LRRN1: variants seen among roughly 807,000 people sequenced by gnomAD.
LRRN1 encodes the protein leucine rich repeat neuronal 1, also known as leucine-rich repeat neuronal protein 1.
Under a neutral mutation model 45.8 loss-of-function variants are expected in LRRN1, and 14 were observed. That is an observed-to-expected ratio of 0.31 (90% confidence interval 0.20 to 0.48). LRRN1 has a LOEUF of 0.48. Ranked by LOEUF, LRRN1 falls within the 20% of genes least tolerant of loss-of-function variation. The probability of loss-of-function intolerance (pLI) is 0.99; values close to 1 mark genes in which losing one functional copy is unlikely to be tolerated. For missense variants in LRRN1, 789 were observed against 874.2 expected (o/e 0.90, Z 1.23); for synonymous variants, 359 against 330.1 (o/e 1.09, Z -0.95).
Position 3,848,014 on chromosome 3 carries a change from C to T in LRRN1, c.*1222C>T, listed in dbSNP as rs1276465922. Among the ~76,000 whole-genome samples, 1 of 152,098 alleles carries T rather than the reference C, an allele frequency of 6.6e-6. No individual in the cohort carries two copies. The highest frequency in any genetic ancestry group is 6.5e-5 in the Admixed American group (1 of 15,274). ...ATATATATGAATATATTGGATATGT[C>T]ATTTCTGTAAGAGTTTTGTTAAAAC... On this transcript the variant is annotated 3_prime_UTR_variant, in exon 2 of 2. Transcript: ENST00000319331.
At chr3:3,817,769 A>G (rs1158104517) in intron 1 of LRRN1, among the ~76,000 whole-genome samples, 1 of 152,208 alleles carries the variant, frequency 6.6e-6, no homozygotes, top group Non-Finnish European at 1.5e-5. Flanking sequence ...TAAAAAATAT[A>G]ACAAAAGACA....
At chr3:3,826,506 G>A (rs1042988775) in intron 1 of LRRN1, among the ~76,000 whole-genome samples, 13 of 152,246 alleles carry the variant, frequency 8.5e-5, no homozygotes, top group African/African-American at 2.6e-4. Context: ...GCCCTGCTTG[G>A]TGATGAATAA....
chr3:3,802,231 C>G (rs1023426048), intron 1 of LRRN1, among the ~76,000 whole-genome samples: 1 of 152,236 alleles, frequency 6.6e-6, no homozygotes, highest in Admixed American at 6.5e-5. Flanking sequence ...CGTGACCACA[C>G]TGCACTGTTC....
At chr3:3,820,684 G>A (rs1693082884) in intron 1 of LRRN1, among the ~76,000 whole-genome samples, 1 of 152,172 alleles carries the variant, frequency 6.6e-6, no homozygotes, top group Admixed American at 6.5e-5. Flanking sequence ...GTTCTCGCAG[G>A]TATAGCGAGA....
rs1290477280 is a variant in LRRN1, at chr3:3,807,814, T to G, written c.-279+7895T>G. ...TAGCAATGACTGGCTTTCTCCAGGT[T>G]GTTATTCCAGCTGACTGTGGTTCTG... On this transcript the variant is annotated intron_variant, in intron 1 of 1. Transcript: ENST00000319331. Among the ~76,000 whole-genome samples, 26 of 152,252 alleles carry G rather than the reference T, an allele frequency of 1.7e-4. 1 individual carries two copies. Among genetic ancestry groups the G allele is most frequent in the Admixed American group, 1.6e-3 (24 of 15,280 alleles).
chr3:3,845,067 C>T lies in LRRN1; in HGVS notation c.426C>T (p.Leu142=). The T allele has an allele frequency of 6.2e-7, 1 of 1,614,098 alleles. No homozygotes were observed. Among genetic ancestry groups the T allele is most frequent in the Non-Finnish European group, 8.5e-7 (1 of 1,180,012 alleles). The change falls in exon 2 of 2, where the codon CTC becomes CTT. Residue 142 remains leucine (L), a synonymous_variant. Coordinates refer to ENST00000319331, the MANE Select transcript of LRRN1 (RefSeq NM_020873.7). The surrounding 1 kb of genome is among the most constrained non-coding windows in gnomAD (Gnocchi z 6.5). Reference sequence around the variant, plus strand: ...TGACTGATTACTGTCTACAAGACCTCAGCAACCTTCAAGAACTCTACATCA... The same window carrying T: ...TGACTGATTACTGTCTACAAGACCTTAGCAACCTTCAAGAACTCTACATCA... The part of the protein sequence containing the change: ...TEMTDYCLQD[L]SNLQELYINH...
rs370240808 is a variant in LRRN1, at chr3:3,841,322, T to G, written c.-278-3042T>G. Among the ~76,000 whole-genome samples the G allele has an allele frequency of 1.1e-4, 15 of 139,480 alleles. 1 individual carries two copies. The highest frequency in any genetic ancestry group is 4.3e-4 in the East Asian group (2 of 4,622). 91.5% of individuals were successfully genotyped at this position (139,480 alleles called of 152,430 possible). A position where few individuals can be genotyped will look rare whatever the true frequency, so the allele number is the denominator to read the frequency against. Reference sequence around the variant, plus strand: ...AAAAAAAAAAAATTAGTTGAAATTCTGTCTCAGTTATGAAAGGTAGCTTTA... The same window carrying G: ...AAAAAAAAAAAATTAGTTGAAATTCGGTCTCAGTTATGAAAGGTAGCTTTA... On this transcript the variant is annotated intron_variant, in intron 1 of 1. Coordinates refer to ENST00000319331, the MANE Select transcript of LRRN1 (RefSeq NM_020873.7).
intron 1 of LRRN1, among the ~76,000 whole-genome samples, chr3:3,841,081 C>T (rs547849670): frequency 5.9e-5 from 9 of 152,218 alleles, no homozygotes; most frequent in South Asian, 2.1e-4. Flanking sequence ...GGACGGATAA[C>T]GAAGTCAGGA....
In LRRN1 at chr3:3,834,525, G is replaced by GAGATATATATATATATATAT. The variant is rs750534210; in HGVS notation, c.-278-9838_-278-9837insGATATATATATATATATATA. ...GCGTTCTCTTAGAGGGACAGAACAG[G>GAGATATATATATATATATAT]ATATATATATATATATATATATATA... is the stretch of plus-strand genomic sequence containing the variant. On this transcript the variant is annotated intron_variant, in intron 1 of 1. Transcript: ENST00000319331. Among the ~76,000 whole-genome samples the GAGATATATATATATATATAT allele has an allele frequency of 2.4e-3, 65 of 27,324 alleles. 1 individual carries two copies. Among genetic ancestry groups the GAGATATATATATATATATAT allele is most frequent in the African/African-American group, 5.1e-3 (60 of 11,680 alleles). The allele number at this position is 27,324 out of a possible 152,430, so 17.9% of individuals were successfully genotyped here.
At chr3:3,817,706 T>A (rs1044159226) in intron 1 of LRRN1, among the ~76,000 whole-genome samples, 35 of 152,192 alleles carry the variant, frequency 2.3e-4, no homozygotes, top group Non-Finnish European at 4.4e-4. Context: ...TTTTTTTTTT[T>A]AAATAAAAAT....
intron 1 of LRRN1, among the ~76,000 whole-genome samples, chr3:3,803,143 G>C (rs1391121432): frequency 6.6e-6 from 1 of 152,170 alleles, no homozygotes; most frequent in African/African-American, 2.4e-5. Context: ...ATCTCTCTCT[G>C]GTTAGTCTGT....
intron 1 of LRRN1, among the ~76,000 whole-genome samples, chr3:3,836,562 G>A (rs1471335019): frequency 6.6e-6 from 1 of 151,446 alleles, no homozygotes; most frequent in Non-Finnish European, 1.5e-5. Flanking sequence ...ATTTTCGTGT[G>A]TGTGTGTTTG....
chr3:3,817,747 T>C (rs1265615095), intron 1 of LRRN1, among the ~76,000 whole-genome samples: 1 of 152,118 alleles, frequency 6.6e-6, no homozygotes, highest in East Asian at 1.9e-4. Flanking sequence ...TTAGTACAGA[T>C]TACTACTGGT....
chr3:3,846,592 T>C lies in LRRN1; in HGVS notation c.1951T>C (p.Tyr651His). 1 of 1,614,120 alleles carries C rather than the reference T, an allele frequency of 6.2e-7. No individual in the cohort carries two copies. The highest frequency in any genetic ancestry group is 1.3e-5 in the African/African-American group (1 of 75,044). ...CATTAGCCTTGCGTCCATTGCTGTG[T>C]ACTTTGCCAAAAGATTTAAGAGAAA... ...AVISLASIAV[Y>H]FAKRFKRKNY... The change falls in exon 2 of 2, where the codon TAC becomes CAC. Residue 651 changes from tyrosine to histidine, a missense_variant. Coordinates refer to ENST00000319331, the MANE Select transcript of LRRN1 (RefSeq NM_020873.7). The surrounding 1 kb of genome is among the most constrained non-coding windows in gnomAD (Gnocchi z 5.7).
At chr3:3,836,890 G>T (rs1693530494) in intron 1 of LRRN1, among the ~76,000 whole-genome samples, 1 of 152,158 alleles carries the variant, frequency 6.6e-6, no homozygotes, top group East Asian at 1.9e-4. Context: ...CTGCTATTAA[G>T]AGGGGAAGAT....
intron 1 of LRRN1, chr3:3,800,962 C>CA (rs2106447348): frequency 6.6e-6 from 1 of 152,574 alleles, no homozygotes; most frequent in African/African-American, 2.4e-5. Flanking sequence ...GCCGCCCGCC[C>CA]AGGGAGTCCC....
intron 1 of LRRN1, among the ~76,000 whole-genome samples, chr3:3,820,064 G>A (rs1693071965): frequency 6.6e-6 from 1 of 152,078 alleles, no homozygotes; most frequent in Non-Finnish European, 1.5e-5. Flanking sequence ...TGTTGTTGTT[G>A]TTGTTGTTGG....
In LRRN1 at chr3:3,844,895, C is replaced by T. The variant is rs764846311; in HGVS notation, c.254C>T (p.Ala85Val). 1.8e-5 allele frequency: 29 copies of T among 1,613,980 alleles called. No homozygotes were observed. The highest frequency in any genetic ancestry group is 7.7e-5 in the South Asian group (7 of 91,076). The change falls in exon 2 of 2, where the codon GCA becomes GTA. Residue 85 changes from alanine (A) to valine (V), a missense_variant. Ala to Val is a moderately conservative substitution (Grantham distance 64). Transcript: ENST00000319331. ...CTTCTCTTACAGAGCAATAACATCG[C>T]AAAGACTGTGGATGAGCTGCAGCAG... ...QVLLLQSNNIAKTVDELQQLF... is the reference protein window; with the variant it reads ...QVLLLQSNNIVKTVDELQQLF...
In LRRN1 at chr3:3,806,065, T is replaced by G. The variant is rs575592824; in HGVS notation, c.-279+6146T>G. On this transcript the variant is annotated intron_variant, in intron 1 of 1. Transcript: ENST00000319331. ...GGGACATTAGGCAATATTTGGAGCC[T>G]TCTTTTTGTCATCGCTGTCACAAGT... Among the ~76,000 whole-genome samples, 11 of 5,232 alleles carry G rather than the reference T, an allele frequency of 2.1e-3. No individual in the cohort carries two copies. The South Asian group carries it at 0.18, about 86-fold the overall frequency. The allele number at this position is 5,232 out of a possible 152,430, so 3.4% of individuals were successfully genotyped here.
Sources: allele counts gnomAD v4.1 joint callset (sites outside exome capture counted in the v4.1 genomes callset), GRCh38; gene constraint gnomAD v4.1.1; non-coding constraint Gnocchi (gnomAD v3.1); transcripts MANE v1.5; gene names NCBI Gene and HGNC (gene_info 2026-07-23, HGNC 2026-07-21).